BFAR: variants seen among roughly 807,000 people sequenced by gnomAD.
BFAR encodes bifunctional apoptosis regulator.
In BFAR, 52 loss-of-function variants were observed where a neutral mutation model predicts 54.4. The observed-to-expected ratio is 0.96, with a 90% confidence interval of 0.77 to 1.21. The LOEUF is 1.21. Ranked by LOEUF, BFAR falls within the 50% of genes most tolerant of loss-of-function variation. The pLI is 0.00. For synonymous variants in BFAR, 215 were observed against 204.3 expected (o/e 1.05, Z -0.45); for missense variants, 571 against 534.0 (o/e 1.07, Z -0.68).
chr16:14,666,057 GC>G (rs969610398), intron 7 of BFAR, among the ~76,000 whole-genome samples: 1 of 152,142 alleles, frequency 6.6e-6, no homozygotes, highest in African/African-American at 2.4e-5. Flanking sequence ...TCATGTGGGG[GC>G]CCTTGTCTTC....
Position 14,668,471 on chromosome 16 carries a change from A to T in BFAR, c.*644A>T, listed in dbSNP as rs1960504697. 6.6e-6 allele frequency: 1 copy of T among 152,522 alleles called. No homozygotes were observed. Among genetic ancestry groups the T allele is most frequent in the Non-Finnish European group, 1.5e-5 (1 of 68,322 alleles). 9.4% of individuals were successfully genotyped at this position (152,522 alleles called of 1,614,324 possible). A position where few individuals can be genotyped will look rare whatever the true frequency, so the allele number is the denominator to read the frequency against. ...GCTTTTGTTTTGCTTTATGGAAATC[A>T]TTGAAGGTCTGGATCCCTTTCTCTG... is the stretch of plus-strand genomic sequence containing the variant. On this transcript the variant is annotated 3_prime_UTR_variant, in exon 8 of 8. Coordinates refer to ENST00000261658, the MANE Select transcript of BFAR (RefSeq NM_016561.3).
Position 14,662,006 on chromosome 16 carries a change from C to G in BFAR, c.898C>G (p.His300Asp). The G allele has an allele frequency of 6.2e-7, 1 of 1,614,158 alleles. No homozygotes were observed. Among genetic ancestry groups the G allele is most frequent in the East Asian group, 2.2e-5 (1 of 44,882 alleles). Residue 300 changes from histidine (H) to aspartate (D), a missense_variant, in exon 6 of 8, where the codon CAC becomes GAC. By Grantham distance (81) the His-to-Asp change is moderately conservative. Transcript: ENST00000261658. ...DYTDTFLPFI[H>D]TICPLQEDSS... Reference sequence around the variant, plus strand: ...CACCGACACCTTCCTACCTTTCATCCACACCATCTGCCCTCTGCAAGAAGA... The same window carrying G: ...CACCGACACCTTCCTACCTTTCATCGACACCATCTGCCCTCTGCAAGAAGA...
chr16:14,643,368 A>G (rs1227248990), intron 1 of BFAR, among the ~76,000 whole-genome samples: 7 of 152,136 alleles, frequency 4.6e-5, no homozygotes, highest in African/African-American at 1.4e-4. Context: ...TTCATTTTCT[A>G]AGGAAGTTAG....
chr16:14,654,387 A>G (rs557285036), intron 4 of BFAR, among the ~76,000 whole-genome samples: 2 of 152,174 alleles, frequency 1.3e-5, no homozygotes, highest in East Asian at 3.9e-4. Flanking sequence ...AAAATAGAGT[A>G]ATATGTGAGA....
At chr16:14,637,699 C>T (rs964656750) in intron 1 of BFAR, among the ~76,000 whole-genome samples, 2 of 151,942 alleles carry the variant, frequency 1.3e-5, no homozygotes, top group African/African-American at 2.4e-5. Flanking sequence ...CATGGTGGCG[C>T]CTGCTTGTAA....
At chr16:14,645,439 CAT>C (rs1959764713) in intron 2 of BFAR, among the ~76,000 whole-genome samples, 1 of 152,184 alleles carries the variant, frequency 6.6e-6, no homozygotes, top group African/African-American at 2.4e-5. Flanking sequence ...TAGAGTTTCT[CAT>C]GTGTAGCATC....
At chr16:14,641,478 G>A (rs1959624850) in intron 1 of BFAR, among the ~76,000 whole-genome samples, 1 of 151,970 alleles carries the variant, frequency 6.6e-6, no homozygotes, top group Non-Finnish European at 1.5e-5. Flanking sequence ...GTGAACCCAG[G>A]AGGCGGAGCT....
At chr16:14,645,309 CA>C (rs962199984) in intron 2 of BFAR, among the ~76,000 whole-genome samples, 2 of 148,432 alleles carry the variant, frequency 1.3e-5, no homozygotes, top group Admixed American at 6.7e-5. Flanking sequence ...GACCCTGTCT[CA>C]AAAAAAAAGA....
chr16:14,644,496 G>C lies in BFAR; in HGVS notation c.150G>C (p.Gly50=). Residue 50 remains glycine (G), a synonymous_variant, in exon 2 of 8, where the codon GGG becomes GGC. Coordinates refer to ENST00000261658, the MANE Select transcript of BFAR (RefSeq NM_016561.3). ...ILVNPTTLNC[G]HSFCRHCLAL... ...TTAACCCCACCACCTTGAACTGTGG[G>C]CACAGCTTCTGCCGTCACTGCCTTG... The C allele has an allele frequency of 6.2e-7, 1 of 1,613,986 alleles. No homozygotes were observed. The highest frequency in any genetic ancestry group is 8.5e-7 in the Non-Finnish European group (1 of 1,180,002).
chr16:14,661,622 C>T (rs1960290402), intron 5 of BFAR, among the ~76,000 whole-genome samples: 1 of 152,012 alleles, frequency 6.6e-6, no homozygotes, highest in South Asian at 2.1e-4. Context: ...AGGCTGGTCT[C>T]AAACTCCTAA....
Position 14,667,772 on chromosome 16 carries a change from T to C in BFAR, c.1298T>C (p.Ile433Thr), listed in dbSNP as rs891973487. ...TGGGCCCTGTACTTTAACCCAATTA[T>C]TAACATTGATCTTGTGGTCAAGGAA... ...FYWALYFNPI[I>T]NIDLVVKELR... The change falls in exon 8 of 8, where the codon ATT becomes ACT. Residue 433 changes from isoleucine to threonine, a missense_variant. Ile to Thr is a moderately conservative substitution (Grantham distance 89, BLOSUM62 -1). Coordinates refer to ENST00000261658, the MANE Select transcript of BFAR (RefSeq NM_016561.3). 4.3e-6 allele frequency: 7 copies of C among 1,614,042 alleles called. No individual in the cohort carries two copies. The highest frequency in any genetic ancestry group is 1.6e-4 in the Middle Eastern group (1 of 6,084).
At chr16:14,636,905 TC>T (rs1850913127) in intron 1 of BFAR, among the ~76,000 whole-genome samples, 1 of 152,190 alleles carries the variant, frequency 6.6e-6, no homozygotes, top group Admixed American at 6.5e-5. Context: ...ACAAAGCACA[TC>T]TTGTACCGCC....
intron 1 of BFAR, among the ~76,000 whole-genome samples, chr16:14,641,186 G>A (rs1407908135): frequency 6.6e-6 from 1 of 152,184 alleles, no homozygotes; most frequent in Admixed American, 6.6e-5. Context: ...AAACACAAGT[G>A]TATCCATATG....
intron 2 of BFAR, among the ~76,000 whole-genome samples, chr16:14,645,547 C>T (rs144869900): frequency 6.0e-4 from 91 of 152,276 alleles, no homozygotes; most frequent in African/African-American, 2.1e-3. Flanking sequence ...TCCTCTTCCC[C>T]TCTTCTATTG....
At chr16:14,637,265 T>A (rs1198442647) in intron 1 of BFAR, among the ~76,000 whole-genome samples, 2 of 152,202 alleles carry the variant, frequency 1.3e-5, no homozygotes, top group Middle Eastern at 3.2e-3. Context: ...GCCTAGATGA[T>A]AAAGGAGTAA....
In BFAR at chr16:14,643,861, C is replaced by CA. The variant is rs760053494; in HGVS notation, c.-73-398dup. 2.9e-3 allele frequency: 402 copies of CA among 139,594 alleles called. 6 individuals carry two copies. The East Asian group carries it at 0.034, about 12-fold the overall frequency. 8.6% of individuals were successfully genotyped at this position (139,594 alleles called of 1,614,324 possible). On this transcript the variant is annotated intron_variant, in intron 1 of 7. Coordinates refer to ENST00000261658, the MANE Select transcript of BFAR (RefSeq NM_016561.3). ...ATCAGAAAGCCTCCCCCACCCCCACCAAAAAAAAAAAAAAATCAGGCTGGG... is the reference window on the plus strand; with the variant it reads ...ATCAGAAAGCCTCCCCCACCCCCACCAAAAAAAAAAAAAAAATCAGGCTGGG...
At chr16:14,650,777 A>C (rs1460788991) in intron 4 of BFAR, among the ~76,000 whole-genome samples, 1 of 152,128 alleles carries the variant, frequency 6.6e-6, no homozygotes, top group East Asian at 1.9e-4. Flanking sequence ...TTTTTTGGCT[A>C]TTATGAATAA....
chr16:14,657,926 T>A (rs1417936490), intron 5 of BFAR, among the ~76,000 whole-genome samples: 2 of 152,292 alleles, frequency 1.3e-5, no homozygotes, highest in East Asian at 1.9e-4. Flanking sequence ...TCTCACCATG[T>A]TGCCCAGGCT....
In BFAR at chr16:14,667,697, C is replaced by G. The variant is rs1960481606; in HGVS notation, c.1223C>G (p.Ala408Gly). The G allele has an allele frequency of 6.2e-7, 1 of 1,614,142 alleles. No individual in the cohort carries two copies. The highest frequency in any genetic ancestry group is 1.3e-5 in the African/African-American group (1 of 75,034). ...WKVSTQGLFV[A>G]MFWPLIPQFV... ...GTATCAACGCAGGGGCTTTTTGTGG[C>G]CATGTTCTGGCCCCTCATCCCTCAG... Residue 408 changes from alanine to glycine, a missense_variant, in exon 8 of 8, where the codon GCC (alanine) becomes GGC (glycine). Transcript: ENST00000261658.
Sources: gnomAD v4.1 joint callset for allele counts (sites outside exome capture counted in the v4.1 genomes callset) on GRCh38, gnomAD v4.1.1 for gene constraint, MANE v1.5 for transcripts, NCBI Gene and HGNC (gene_info 2026-07-23, HGNC 2026-07-21) for gene names.